Variants in GRIK5 observed in about 807,000 individuals in gnomAD.
GRIK5 encodes the protein glutamate ionotropic receptor kainate type subunit 5, also known as glutamate receptor ionotropic, kainate 5.
In GRIK5, 43 loss-of-function variants were observed where a neutral mutation model predicts 97.4. That is an observed-to-expected ratio of 0.44 (90% CI 0.35 to 0.57). The LOEUF is 0.57. Among genes scored for constraint, GRIK5 ranks in the 20% least tolerant of loss-of-function variants. The probability of loss-of-function intolerance (pLI) is 0.01; values close to 1 mark genes in which losing one functional copy is unlikely to be tolerated. For missense variants in GRIK5, 1,015 were observed against 1,382.0 expected (o/e 0.73, Z 4.21); for synonymous variants, 580 against 583.5 (o/e 0.99, Z 0.09).
intron 1 of GRIK5, chr19:42,068,835 C>T (rs61750871): frequency 0.034 from 22,637 of 659,184 alleles, 1,459 homozygotes; most frequent in African/African-American, 0.17. Context: ...AGAGACTGGA[C>T]GGGGTGGGGA....
intron 1 of GRIK5, chr19:42,068,911 C>T (rs960929630): frequency 8.8e-6 from 6 of 680,270 alleles, no homozygotes; most frequent in African/African-American, 1.8e-5. Flanking sequence ...AGTCTGGGAC[C>T]AGGACGGAGG....
rs1410051998 is a variant in GRIK5 at position 42,028,264 on chromosome 19, A to C, written c.1474-5910T>G. 4.5e-4 allele frequency among the ~76,000 whole-genome samples: 28 copies of C among 62,810 alleles called. 1 individual carries two copies. Among genetic ancestry groups the C allele is most frequent in the Non-Finnish European group, 9.6e-5 (3 of 31,184 alleles). 41.2% of individuals were successfully genotyped at this position (62,810 alleles called of 152,430 possible). The stretch of plus-strand genomic sequence containing the variant: ...AGAATTTGAATGACAAGTCACCTGT[A>C]ATGATGGGGGGGGGGTGTCATCTAA... On this transcript the variant is annotated intron_variant, in intron 12 of 19. Transcript: ENST00000593562.
chr19:41,998,817 G>C lies in GRIK5; in HGVS notation c.*54C>G. On this transcript the variant is annotated 3_prime_UTR_variant, in exon 20 of 20. Coordinates refer to ENST00000593562, the MANE Select transcript of GRIK5 (RefSeq NM_002088.5). Reference sequence around the variant, plus strand: ...CGGGAGCGGAGACTGCTGGGGCCTGGGGCGGGCCCCGTCCCTTCGGTCAGT... The same window carrying C: ...CGGGAGCGGAGACTGCTGGGGCCTGCGGCGGGCCCCGTCCCTTCGGTCAGT... The C allele has an allele frequency of 1.1e-6, 1 of 936,894 alleles. No individual in the cohort carries two copies. The highest frequency in any genetic ancestry group is 1.8e-5 in the African/African-American group (1 of 56,646). 58.0% of individuals were successfully genotyped at this position (936,894 alleles called of 1,614,324 possible).
At chr19:42,067,256 A>G (rs1173665921) in intron 1 of GRIK5, among the ~76,000 whole-genome samples, 1 of 152,212 alleles carries the variant, frequency 6.6e-6, no homozygotes, top group African/African-American at 2.4e-5. Flanking sequence ...ACTTCGAGGG[A>G]AGGATAGAGG....
intron 1 of GRIK5, chr19:42,068,805 G>A (rs1396381434): frequency 1.7e-6 from 1 of 601,156 alleles, no homozygotes; most frequent in East Asian, 3.0e-5. Flanking sequence ...CTCAAAAGCG[G>A]AAAGACATAT....
At chr19:42,039,016 T>A (rs1333136466) in intron 12 of GRIK5, among the ~76,000 whole-genome samples, 1 of 152,120 alleles carries the variant, frequency 6.6e-6, no homozygotes, top group African/African-American at 2.4e-5. Flanking sequence ...TCCCCCACCC[T>A]AGGCAGTCAC....
At chr19:42,005,023 G>A (rs2075468326) in intron 17 of GRIK5, among the ~76,000 whole-genome samples, 1 of 152,034 alleles carries the variant, frequency 6.6e-6, no homozygotes, top group Admixed American at 6.6e-5. Context: ...CTAAGATCTG[G>A]GGCAATTTGC....
At chr19:42,007,794 G>T (rs1391402892) in intron 15 of GRIK5, among the ~76,000 whole-genome samples, 1 of 152,122 alleles carries the variant, frequency 6.6e-6, no homozygotes, top group African/African-American at 2.4e-5. Flanking sequence ...TGCAGCCAGA[G>T]TAGAAAGATT....
intron 1 of GRIK5, chr19:42,068,471 G>A: frequency 2.8e-6 from 1 of 352,858 alleles, no homozygotes; most frequent in Non-Finnish European, 5.1e-6. Context: ...GGAGAGGTGG[G>A]GCAGCAGCTG....
At chr19:42,038,509 C>T (rs1340511859) in intron 12 of GRIK5, among the ~76,000 whole-genome samples, 1 of 152,268 alleles carries the variant, frequency 6.6e-6, no homozygotes, top group Admixed American at 6.5e-5. Flanking sequence ...ACCAGTCCCT[C>T]TCTCACTGGG....
intron 11 of GRIK5, among the ~76,000 whole-genome samples, chr19:42,052,385 G>A (rs1044850870): frequency 5.3e-5 from 8 of 152,070 alleles, no homozygotes; most frequent in Admixed American, 5.2e-4. Flanking sequence ...AAGCCCCCAG[G>A]GCTCCCTGGG....
At chr19:42,058,530 T>C (rs2076216893) in intron 6 of GRIK5, among the ~76,000 whole-genome samples, 1 of 145,186 alleles carries the variant, frequency 6.9e-6, no homozygotes, top group Non-Finnish European at 1.5e-5. Context: ...AAATAAATAA[T>C]ACAAATTTGG....
At chr19:42,037,142 C>T (rs1191985124) in intron 12 of GRIK5, among the ~76,000 whole-genome samples, 1 of 152,212 alleles carries the variant, frequency 6.6e-6, no homozygotes, top group African/African-American at 2.4e-5. Context: ...AGGCTCTGTG[C>T]AAATGCGCTC....
intron 12 of GRIK5, among the ~76,000 whole-genome samples, chr19:42,030,264 C>T (rs527748896): frequency 6.6e-6 from 1 of 152,290 alleles, no homozygotes; most frequent in Admixed American, 6.5e-5. Context: ...TCACTGCAAC[C>T]TCTGCCTCCT....
At chr19:42,061,141 G>A (rs952042803) in intron 5 of GRIK5, among the ~76,000 whole-genome samples, 7 of 152,070 alleles carry the variant, frequency 4.6e-5, no homozygotes, top group East Asian at 1.9e-4. Flanking sequence ...TCCACCTCCC[G>A]GGTTCACGCC....
In GRIK5 at chr19:42,005,889, G is replaced by A. The variant is rs782619780; in HGVS notation, c.2097C>T (p.Ser699=). 7.5e-6 allele frequency: 12 copies of A among 1,609,696 alleles called. No homozygotes were observed. The highest frequency in any genetic ancestry group is 2.2e-5 in the East Asian group (1 of 44,826). ...MWNYMQSKQP[S]VFVKSTEEGI... ...CCTCTTCTGTGCTCTTGACGAACAC[G>A]CTGGGCTGCTTCGACTGCATGTAGT... is the stretch of plus-strand genomic sequence containing the variant. The change falls in exon 17 of 20, where the codon AGC becomes AGT. Residue 699 remains serine (S), a synonymous_variant. Coordinates refer to ENST00000593562, the MANE Select transcript of GRIK5 (RefSeq NM_002088.5).
At chr19:42,032,038 G>C (rs1313700891) in intron 12 of GRIK5, among the ~76,000 whole-genome samples, 1 of 152,110 alleles carries the variant, frequency 6.6e-6, no homozygotes, top group African/African-American at 2.4e-5. Flanking sequence ...CCTGAGCCTG[G>C]GGAGGTTGAG....
intron 11 of GRIK5, among the ~76,000 whole-genome samples, chr19:42,045,864 T>G (rs2076037151): frequency 6.6e-6 from 1 of 152,170 alleles, no homozygotes; most frequent in Non-Finnish European, 1.5e-5. Context: ...AGTAAGTGGC[T>G]GAGAAGGACA....
At chr19:42,024,179 C>A (rs1353661275) in intron 12 of GRIK5, among the ~76,000 whole-genome samples, 1 of 151,952 alleles carries the variant, frequency 6.6e-6, no homozygotes, top group East Asian at 1.9e-4. Context: ...CACCTCACTC[C>A]CACTCTAGGG....
Sources: allele counts gnomAD v4.1 joint callset (sites outside exome capture counted in the v4.1 genomes callset), GRCh38; gene constraint gnomAD v4.1.1; transcripts MANE v1.5; gene names NCBI Gene and HGNC (gene_info 2026-07-23, HGNC 2026-07-21).